Variants in BTC observed in about 807,000 individuals in gnomAD.
The protein encoded by BTC is probetacellulin.
A neutral mutation model predicts 18.1 loss-of-function variants in BTC; 13 were observed. The ratio of observed to expected loss-of-function variants is 0.72; its 90% CI spans 0.47 to 1.14. The LOEUF is 1.14. Among genes scored for constraint, BTC ranks in the 50% most tolerant of loss-of-function variants. BTC has a pLI of 0.00. For synonymous variants in BTC, 83 were observed against 79.4 expected (o/e 1.05, Z -0.24); for missense variants, 247 against 224.2 (o/e 1.10, Z -0.65).
chr4:74,774,804 T>G (rs1055558814), intron 1 of BTC, among the ~76,000 whole-genome samples: 3 of 152,080 alleles, frequency 2.0e-5, no homozygotes, highest in African/African-American at 7.2e-5. Context: ...CACTGAAAAG[T>G]TTTAAGTGAG....
chr4:74,766,050 A>G (rs565424060), intron 2 of BTC, among the ~76,000 whole-genome samples: 1 of 152,220 alleles, frequency 6.6e-6, no homozygotes, highest in South Asian at 2.1e-4. Flanking sequence ...GTATTTTTAT[A>G]TCTAAACATA....
chr4:74,749,515 T>TAAATA (rs1553955878), intron 4 of BTC, among the ~76,000 whole-genome samples: 1 of 150,352 alleles, frequency 6.7e-6, no homozygotes, highest in Non-Finnish European at 1.5e-5. Context: ...AATAAATAAA[T>TAAATA]AATCAAAGAC....
At chr4:74,777,765 G>A (rs911375929) in intron 1 of BTC, among the ~76,000 whole-genome samples, 2 of 151,998 alleles carry the variant, frequency 1.3e-5, no homozygotes, top group Non-Finnish European at 2.9e-5. Context: ...CAGTTGGTTG[G>A]TTAAATGATT....
chr4:74,750,591 C>T lies in BTC; in HGVS notation c.410G>A (p.Gly137Asp). Residue 137 changes from glycine (G) to aspartate (D), a missense_variant, in exon 4 of 6, where the codon GGT becomes GAT. Transcript: ENST00000395743. The stretch of plus-strand genomic sequence containing the variant: ...TACTTACTGACAGCATGTGCAGACA[C>T]CGATGACCAAAATAATAAAAACTAC... The part of the protein sequence containing the change: ...VMVVFIILVI[G>D]VCTCCHPLRK... 1 of 1,613,356 alleles carries T rather than the reference C, an allele frequency of 6.2e-7. No individual in the cohort carries two copies. The highest frequency in any genetic ancestry group is 8.5e-7 in the Non-Finnish European group (1 of 1,179,730).
At chr4:74,767,717 A>C (rs1320083782) in intron 2 of BTC, among the ~76,000 whole-genome samples, 1 of 152,162 alleles carries the variant, frequency 6.6e-6, no homozygotes, top group Non-Finnish European at 1.5e-5. Context: ...CAGAATAGAC[A>C]GTCGAGCAAT....
chr4:74,790,319 A>T (rs1219306320), intron 1 of BTC, among the ~76,000 whole-genome samples: 1 of 152,208 alleles, frequency 6.6e-6, no homozygotes, highest in Non-Finnish European at 1.5e-5. Context: ...GAGTGGCTTT[A>T]CATAGTATTG....
intron 1 of BTC, among the ~76,000 whole-genome samples, chr4:74,789,487 C>T (rs560039893): frequency 5.3e-5 from 8 of 152,164 alleles, no homozygotes; most frequent in African/African-American, 1.9e-4. Context: ...TCATTTTATC[C>T]TCAAAATAAT....
intron 1 of BTC, among the ~76,000 whole-genome samples, chr4:74,780,673 G>A (rs1365483248): frequency 1.3e-5 from 2 of 152,096 alleles, no homozygotes; most frequent in African/African-American, 4.8e-5. Flanking sequence ...TATTTTAATA[G>A]ATGGTAAAAT....
At chr4:74,784,442 C>T (rs1725424283) in intron 1 of BTC, among the ~76,000 whole-genome samples, 2 of 151,912 alleles carry the variant, frequency 1.3e-5, no homozygotes, top group African/African-American at 4.8e-5. Context: ...TCTTTCCTGG[C>T]CAGAACATTC....
At chr4:74,764,358 A>ATGGAAGACG (rs1724842279) in intron 2 of BTC, among the ~76,000 whole-genome samples, 1 of 152,218 alleles carries the variant, frequency 6.6e-6, no homozygotes, top group Admixed American at 6.5e-5. Flanking sequence ...CTGAGTTACT[A>ATGGAAGACG]TGGAAGACGT....
chr4:74,769,402 C>G (rs921960571), intron 2 of BTC, among the ~76,000 whole-genome samples: 18 of 152,104 alleles, frequency 1.2e-4, no homozygotes, highest in Admixed American at 1.2e-3. Flanking sequence ...TTTACTGAAA[C>G]AGAGCCAAGC....
At chr4:74,762,192 T>A (rs1724776946) in intron 2 of BTC, among the ~76,000 whole-genome samples, 1 of 152,242 alleles carries the variant, frequency 6.6e-6, no homozygotes, top group Non-Finnish European at 1.5e-5. Context: ...ATTGTTATTC[T>A]TATTATTTTT....
intron 3 of BTC, among the ~76,000 whole-genome samples, chr4:74,751,200 C>T (rs1342698272): frequency 6.6e-6 from 1 of 152,180 alleles, no homozygotes; most frequent in African/African-American, 2.4e-5. Context: ...AAGTTCATAA[C>T]ACAATGTTCC....
chr4:74,754,727 T>C (rs962085458), intron 3 of BTC, among the ~76,000 whole-genome samples: 2 of 152,126 alleles, frequency 1.3e-5, no homozygotes, highest in Non-Finnish European at 2.9e-5. Context: ...AAGGGAACAA[T>C]CTATGTGTTG....
chr4:74,789,954 G>A (rs1725577742), intron 1 of BTC, among the ~76,000 whole-genome samples: 1 of 152,186 alleles, frequency 6.6e-6, no homozygotes, highest in Non-Finnish European at 1.5e-5. Context: ...ATCAAAATTG[G>A]CAGAGGAAGA....
chr4:74,760,695 T>TAGG (rs376003185), intron 2 of BTC, among the ~76,000 whole-genome samples: 132 of 152,158 alleles, frequency 8.7e-4, no homozygotes, highest in African/African-American at 3.1e-3. Flanking sequence ...TTTGCTTATG[T>TAGG]AGGAGTTCAG....
At chr4:74,747,041 T>C (rs1724310223) in intron 5 of BTC, among the ~76,000 whole-genome samples, 1 of 152,210 alleles carries the variant, frequency 6.6e-6, no homozygotes, top group Non-Finnish European at 1.5e-5. Context: ...TCTGGTTCCT[T>C]ACGTGTGAGC....
intron 1 of BTC, among the ~76,000 whole-genome samples, chr4:74,793,654 T>G (rs939555719): frequency 6.6e-6 from 1 of 152,138 alleles, no homozygotes; most frequent in Non-Finnish European, 1.5e-5. Context: ...CAGCCACATC[T>G]GAAGTTCCAG....
intron 1 of BTC, 74 bp from the exon 2 acceptor site, chr4:74,770,230 C>A: frequency 9.1e-7 from 1 of 1,102,210 alleles, no homozygotes; most frequent in Non-Finnish European, 1.3e-6. Flanking sequence ...AAAGTCATCA[C>A]CCATTTCACC....
Sources: gnomAD v4.1 joint callset for allele counts (sites outside exome capture counted in the v4.1 genomes callset) on GRCh38, gnomAD v4.1.1 for gene constraint, MANE v1.5 for transcripts, NCBI Gene and HGNC (gene_info 2026-07-23, HGNC 2026-07-21) for gene names.